Variants in FAM53B observed in about 807,000 individuals in gnomAD.
The protein encoded by FAM53B is family with sequence similarity 53 member B.
A neutral mutation model predicts 32.7 loss-of-function variants in FAM53B; 12 were observed. That is an observed-to-expected ratio of 0.37 (90% confidence interval 0.24 to 0.59). The LOEUF is 0.59. FAM53B is among the 20% of genes least tolerant of loss of function. The probability of loss-of-function intolerance (pLI) is 0.72; values close to 1 mark genes in which losing one functional copy is unlikely to be tolerated. For synonymous variants in FAM53B, 234 were observed against 228.7 expected, an observed-to-expected ratio of 1.02 and a Z score of -0.21; for missense variants, 477 against 577.7, an observed-to-expected ratio of 0.83 and a Z score of 1.79.
At chr10:124,692,714 CAAAAAAA>C (rs5788679) in intron 3 of FAM53B, among the ~76,000 whole-genome samples, 4 of 69,046 alleles carry the variant, frequency 5.8e-5, no homozygotes, top group African/African-American at 2.6e-4. Context: ...TACTCCATCT[CAAAAAAA>C]AAAAAAAAAA....
rs144962383 is a variant in FAM53B, at chr10:124,651,164, G to A, written c.907-27560C>T. ...CAAGCCTTCTGTCCTTGCCGGCCTC[G>A]GTTTCTCCCTTTGTGCCACAGGGAG... On this transcript the variant is annotated intron_variant, in intron 4 of 4. Transcript: ENST00000337318. This position sits in a 1 kb window ranked among gnomAD's most constrained non-coding sequence, Gnocchi z 5.2. Among the ~76,000 whole-genome samples the A allele has an allele frequency of 8.9e-4, 135 of 152,330 alleles. No homozygotes were observed. In the Middle Eastern group the frequency reaches 0.01, roughly 12 times the overall value.
At chr10:124,720,016 A>G (rs1037852152) in intron 1 of FAM53B, among the ~76,000 whole-genome samples, 1 of 152,120 alleles carries the variant, frequency 6.6e-6, no homozygotes, top group Non-Finnish European at 1.5e-5. Flanking sequence ...TACAAAAATT[A>G]GCAGGGTGTG....
chr10:124,671,291 C>G, intron 4 of FAM53B: 1 of 429,536 alleles, frequency 2.3e-6, no homozygotes, highest in Non-Finnish European at 4.9e-6. Flanking sequence ...AGGTCTTGCC[C>G]CAGCCCTGTG....
chr10:124,720,208 G>T (rs11245341), intron 1 of FAM53B, among the ~76,000 whole-genome samples: 1 of 150,376 alleles, frequency 6.6e-6, no homozygotes, highest in Non-Finnish European at 1.5e-5. Context: ...TGGCCACCTC[G>T]ATCAGGAGCA....
At chr10:124,692,304 A>T (rs1949838302) in intron 3 of FAM53B, among the ~76,000 whole-genome samples, 1 of 152,188 alleles carries the variant, frequency 6.6e-6, no homozygotes, top group Non-Finnish European at 1.5e-5. Context: ...GAACAAAACC[A>T]CTTATCTGTA....
intron 1 of FAM53B, among the ~76,000 whole-genome samples, chr10:124,740,971 C>G (rs1254359237): frequency 6.6e-6 from 1 of 152,224 alleles, no homozygotes; most frequent in Non-Finnish European, 1.5e-5. Context: ...ACAAAAAGGA[C>G]AGCTGCAGCA....
chr10:124,667,472 T>C, intron 4 of FAM53B: 1 of 742,972 alleles, frequency 1.3e-6, no homozygotes, highest in Admixed American at 1.8e-5. Flanking sequence ...ATCCCCCACC[T>C]CACCTGCCAA....
intron 4 of FAM53B, among the ~76,000 whole-genome samples, chr10:124,641,135 A>T (rs1221586340): frequency 6.6e-6 from 1 of 152,224 alleles, no homozygotes; most frequent in Non-Finnish European, 1.5e-5. Context: ...AGTCCCGGGC[A>T]GCCTCCAACG....
At chr10:124,697,544 A>C (rs1949881922) in intron 2 of FAM53B, among the ~76,000 whole-genome samples, 1 of 152,298 alleles carries the variant, frequency 6.6e-6, no homozygotes, top group East Asian at 1.9e-4. Context: ...CCACGGGGTT[A>C]CTAAGGGTCC....
At chr10:124,678,227 C>T (rs1387614555) in intron 4 of FAM53B, among the ~76,000 whole-genome samples, 1 of 152,240 alleles carries the variant, frequency 6.6e-6, no homozygotes, top group African/African-American at 2.4e-5. Context: ...CCCTCCAAGT[C>T]CTGCGACTGT....
chr10:124,638,907 G>GT (rs71484578), intron 4 of FAM53B, among the ~76,000 whole-genome samples: 1,667 of 152,346 alleles, frequency 0.011, 11 homozygotes, highest in Middle Eastern at 0.024. Flanking sequence ...AGCGCCAGAA[G>GT]TGAGTGGTGG....
chr10:124,645,963 T>C (rs1181328910), intron 4 of FAM53B, among the ~76,000 whole-genome samples: 1 of 152,120 alleles, frequency 6.6e-6, no homozygotes. Flanking sequence ...TGCGTCTCCT[T>C]TGCCACTGCC....
At chr10:124,653,347 T>C (rs887511408) in intron 4 of FAM53B, among the ~76,000 whole-genome samples, 10 of 151,988 alleles carry the variant, frequency 6.6e-5, no homozygotes, top group Non-Finnish European at 1.2e-4. Context: ...GCCAGGAGGG[T>C]TGGAGTAAAG....
intron 1 of FAM53B, among the ~76,000 whole-genome samples, chr10:124,717,857 A>C (rs1330146675): frequency 6.6e-6 from 1 of 152,048 alleles, no homozygotes; most frequent in Non-Finnish European, 1.5e-5. Context: ...CAGGACAAGA[A>C]TCTCCTTTTC....
intron 4 of FAM53B, among the ~76,000 whole-genome samples, chr10:124,675,993 C>T (rs1949734308): frequency 6.6e-6 from 1 of 152,244 alleles, no homozygotes; most frequent in Non-Finnish European, 1.5e-5. Flanking sequence ...CCTGAAAAGG[C>T]TGCCGTGATT....
Position 124,682,486 on chromosome 10 carries a change from A to C in FAM53B, c.134-107T>G. 1 of 985,114 alleles carries C rather than the reference A, an allele frequency of 1.0e-6. No individual in the cohort carries two copies. Among genetic ancestry groups the C allele is most frequent in the Non-Finnish European group, 1.5e-6 (1 of 683,286 alleles). 61.0% of individuals were successfully genotyped at this position (985,114 alleles called of 1,614,324 possible). ...GTTTCAAACACAGTATCTTAGAGCC[A>C]AAAGGCCCTTAGAAACCATCCAGTC... is the stretch of plus-strand genomic sequence containing the variant. On this transcript the variant is annotated intron_variant, in intron 3 of 4. Coordinates refer to ENST00000337318, the MANE Select transcript of FAM53B (RefSeq NM_014661.4). The surrounding 1 kb of genome is among the most constrained non-coding windows in gnomAD (Gnocchi z 5.2).
At chr10:124,743,507 C>T (rs1208656094) in intron 1 of FAM53B, among the ~76,000 whole-genome samples, 1 of 152,190 alleles carries the variant, frequency 6.6e-6, no homozygotes, top group East Asian at 1.9e-4. Context: ...CGCCTCGCTC[C>T]CGCACCCCGG....
At chr10:124,661,242 T>C (rs541897438) in intron 4 of FAM53B, among the ~76,000 whole-genome samples, 19 of 152,158 alleles carry the variant, frequency 1.2e-4, no homozygotes, top group Middle Eastern at 6.8e-3. Flanking sequence ...AGCAGATCTA[T>C]AGTTAGCATA....
intron 2 of FAM53B, among the ~76,000 whole-genome samples, chr10:124,698,389 G>A (rs1291201980): frequency 6.6e-6 from 1 of 152,120 alleles, no homozygotes; most frequent in East Asian, 1.9e-4. Context: ...GCCCCTGCCT[G>A]GCCAGCAGAA....
Sources: gnomAD v4.1 joint callset for allele counts (sites outside exome capture counted in the v4.1 genomes callset) on GRCh38, gnomAD v4.1.1 for gene constraint, Gnocchi (gnomAD v3.1) non-coding constraint, MANE v1.5 for transcripts, NCBI Gene and HGNC (gene_info 2026-07-23, HGNC 2026-07-21) for gene names.